Variants in DDX23 observed in about 807,000 individuals in gnomAD.
The protein encoded by DDX23 is probable ATP-dependent RNA helicase DDX23.
In DDX23, 33 loss-of-function variants were observed where a neutral mutation model predicts 102.7. The ratio of observed to expected loss-of-function variants is 0.32; its 90% CI spans 0.24 to 0.43. The LOEUF is 0.43. Ranked by LOEUF, DDX23 falls within the 20% of genes least tolerant of loss-of-function variation. The pLI is 1.00. For missense variants in DDX23, 549 were observed against 1,086.6 expected (o/e 0.51, Z 6.96); for synonymous variants, 352 against 376.0 (o/e 0.94, Z 0.74).
At chr12:48,844,665 G>T (rs1402589535) in intron 2 of DDX23, among the ~76,000 whole-genome samples, 1 of 144,966 alleles carries the variant, frequency 6.9e-6, no homozygotes, top group Non-Finnish European at 1.5e-5. Flanking sequence ...TAGAGATCAG[G>T]TATCACTGTG....
chr12:48,839,235 C>T (rs1219448381), intron 5 of DDX23, among the ~76,000 whole-genome samples: 1 of 151,738 alleles, frequency 6.6e-6, no homozygotes, highest in Admixed American at 6.6e-5. Context: ...TATGTGGAGA[C>T]AGGACATGTA....
At position 48,835,988 on chromosome 12, in the gene DDX23, T is replaced by C; in HGVS notation, c.1382+133A>G. Reference sequence around the variant, plus strand: ...TTCTTCGATATCATGATCCAATTATTCCCTAATATCCAACAAAGAATAAAG... The same window carrying C: ...TTCTTCGATATCATGATCCAATTATCCCCTAATATCCAACAAAGAATAAAG... On this transcript the variant is annotated intron_variant, in intron 11 of 16. Coordinates refer to ENST00000308025, the MANE Select transcript of DDX23 (RefSeq NM_004818.3). 4.8e-6 allele frequency: 5 copies of C among 1,041,662 alleles called. No homozygotes were observed. In the South Asian group the frequency reaches 6.1e-5, roughly 13 times the overall value. 64.5% of individuals were successfully genotyped at this position (1,041,662 alleles called of 1,614,324 possible).
chr12:48,840,173 C>A, intron 3 of DDX23, 67 bp from the exon 4 acceptor site: 1 of 1,281,772 alleles, frequency 7.8e-7, no homozygotes. Flanking sequence ...TCAAGTTGAG[C>A]CCCGAAAAGA....
intron 5 of DDX23, among the ~76,000 whole-genome samples, chr12:48,838,676 C>A (rs1352459416): frequency 2.6e-5 from 4 of 151,546 alleles, no homozygotes; most frequent in Admixed American, 6.6e-5. Flanking sequence ...ACAGTGAAAC[C>A]CTATCTCTAC....
rs1210488388 is a variant in DDX23 at position 48,838,011 on chromosome 12, G to C, written c.550C>G (p.Arg184Gly). ...LKRRQQEVEE[R>G]QRMLEEERKK... is the part of the protein sequence containing the mutation. ...CTCTCTTCTTCAAGCATCCTCTGCC[G>C]CTCTTCCACCTCCTGCTGCCGTCGC... The change falls in exon 6 of 17, where the codon CGG becomes GGG. Residue 184 changes from arginine (R) to glycine (G), a missense_variant. Arg to Gly is a moderately radical substitution (Grantham distance 125, BLOSUM62 -2). This residue lies in a region of DDX23 where 241 missense variants were observed against 267.0 expected (regional missense o/e 0.90). Transcript: ENST00000308025. The C allele has an allele frequency of 1.2e-5, 19 of 1,613,972 alleles. No individual in the cohort carries two copies. Among genetic ancestry groups the C allele is most frequent in the Non-Finnish European group, 1.6e-5 (19 of 1,180,046 alleles).
chr12:48,849,576 T>C (rs193106177), intron 1 of DDX23, among the ~76,000 whole-genome samples: 62 of 151,936 alleles, frequency 4.1e-4, no homozygotes, highest in Non-Finnish European at 7.2e-4. Flanking sequence ...GCAGAACTGC[T>C]TGAACCCAGG....
chr12:48,833,300 ACT>A lies in DDX23; in HGVS notation c.1778_1779del (p.Glu593ValfsTer5). The A allele has an allele frequency of 1.2e-6, 2 of 1,613,890 alleles. No homozygotes were observed. The highest frequency in any genetic ancestry group is 1.7e-6 in the Non-Finnish European group (2 of 1,179,988). ...ACTTGGCGGTACTTATGTTTTCCCGACTCAAAGTTGGCCAGCATCTTCTCAGG... is the reference window on the plus strand; with the variant it reads ...ACTTGGCGGTACTTATGTTTTCCCGACAAAGTTGGCCAGCATCTTCTCAGG... ...EDPEKMLANF[E>X]SGKHKYRQTV... On this transcript the variant is annotated frameshift_variant, in exon 13 of 17. Transcript: ENST00000308025. LOFTEE classifies it high-confidence loss of function.
Position 48,831,334 on chromosome 12 carries a change from A to G in DDX23, c.2065-18T>C. ...GCATTGTACTGTTGGAAGAATGGTGAAGTGAAGAGTGAGCAATGCAATCAA... is the reference window on the plus strand; with the variant it reads ...GCATTGTACTGTTGGAAGAATGGTGGAGTGAAGAGTGAGCAATGCAATCAA... On this transcript the variant is annotated intron_variant, in intron 15 of 16. Coordinates refer to ENST00000308025, the MANE Select transcript of DDX23 (RefSeq NM_004818.3). The G allele has an allele frequency of 1.2e-6, 2 of 1,613,616 alleles. No individual in the cohort carries two copies. Among genetic ancestry groups the G allele is most frequent in the Non-Finnish European group, 1.7e-6 (2 of 1,179,682 alleles).
chr12:48,840,501 T>G (rs1263199911), intron 3 of DDX23, among the ~76,000 whole-genome samples: 2 of 151,738 alleles, frequency 1.3e-5, no homozygotes, highest in Non-Finnish European at 2.9e-5. Context: ...CAAAACCCTG[T>G]CTCTAGTAAA....
chr12:48,850,564 G>A (rs4760635), intron 1 of DDX23, among the ~76,000 whole-genome samples: 3,632 of 152,232 alleles, frequency 0.024, 330 homozygotes, highest in Admixed American at 0.17. Flanking sequence ...ACCTAAGTAG[G>A]CAGCATAGTG....
intron 11 of DDX23, 64 bp from the exon 12 acceptor site, chr12:48,834,561 G>T: frequency 1.3e-6 from 2 of 1,497,840 alleles, no homozygotes; most frequent in Non-Finnish European, 1.8e-6. Context: ...ACAAGCCAGA[G>T]CAAGACAAAG....
chr12:48,831,539 G>A (rs1468018066), intron 15 of DDX23, among the ~76,000 whole-genome samples: 1 of 152,162 alleles, frequency 6.6e-6, no homozygotes, highest in African/African-American at 2.4e-5. Context: ...CACAGAGTAA[G>A]GTCAAAGGCA....
In DDX23 at chr12:48,848,926, G is replaced by A. The variant is rs190931865; in HGVS notation, c.1-3144C>T. Among the ~76,000 whole-genome samples the A allele has an allele frequency of 8.1e-4, 123 of 152,066 alleles. 1 individual carries two copies. The East Asian group carries it at 0.019, about 24-fold the overall frequency. ...GCCACACCACGCCTGGCTAATTTTT[G>A]TATTTTTAGTAGAGGCGGGGTTTCA... On this transcript the variant is annotated intron_variant, in intron 1 of 16. Transcript: ENST00000308025.
intron 3 of DDX23, among the ~76,000 whole-genome samples, chr12:48,841,723 G>A (rs1232289417): frequency 1.1e-4 from 16 of 152,350 alleles, no homozygotes; most frequent in African/African-American, 2.6e-4. Flanking sequence ...TCGGCCTCCC[G>A]AGGTGCCGGG....
At chr12:48,838,109 A>G in intron 5 of DDX23, 29 bp from the exon 6 acceptor site, 1 of 1,613,398 alleles carries the variant, frequency 6.2e-7, no homozygotes, top group Non-Finnish European at 8.5e-7. Flanking sequence ...CTGTCAACAA[A>G]GGATCTGGGA....
intron 3 of DDX23, 95 bp downstream of exon 3, chr12:48,843,845 G>A: frequency 7.2e-7 from 1 of 1,397,940 alleles, no homozygotes; most frequent in Non-Finnish European, 1.0e-6. Context: ...ACCACGCCTG[G>A]CGAGAAATCT....
At chr12:48,840,201 T>C (rs1346613487) in intron 3 of DDX23, 95 bp from the exon 4 acceptor site, 3 of 973,874 alleles carry the variant, frequency 3.1e-6, no homozygotes, top group Non-Finnish European at 5.0e-6. Flanking sequence ...AGTTTCCCCA[T>C]GACTCAACAA....
chr12:48,835,225 G>C (rs866789167), intron 11 of DDX23: 2 of 205,570 alleles, frequency 9.7e-6, no homozygotes, highest in African/African-American at 2.4e-5. Flanking sequence ...CTAGACAATA[G>C]AGCGAGACTC....
chr12:48,848,140 G>T (rs1368605025), intron 1 of DDX23, among the ~76,000 whole-genome samples: 1 of 152,030 alleles, frequency 6.6e-6, no homozygotes, highest in Non-Finnish European at 1.5e-5. Context: ...AAAAAAATTA[G>T]CCGGGCGTGG....
Sources: gnomAD v4.1 joint callset for allele counts (sites outside exome capture counted in the v4.1 genomes callset) on GRCh38, gnomAD v4.1.1 for gene constraint, gnomAD v4.1.1 regional missense constraint, MANE v1.5 for transcripts, NCBI Gene and HGNC (gene_info 2026-07-23, HGNC 2026-07-21) for gene names.